SGCG: variants seen among roughly 807,000 people sequenced by gnomAD.
SGCG encodes the protein sarcoglycan gamma.
A neutral mutation model predicts 29.3 loss-of-function variants in SGCG; 26 were observed. The ratio of observed to expected loss-of-function variants is 0.89; its 90% CI spans 0.65 to 1.23. SGCG has a LOEUF of 1.23. SGCG is among the 50% of genes most tolerant of loss of function. The probability of loss-of-function intolerance (pLI) is 0.00; values close to 1 mark genes in which losing one functional copy is unlikely to be tolerated. For missense variants in SGCG, 353 were observed against 356.0 expected, an observed-to-expected ratio of 0.99 and a Z score of 0.07; for synonymous variants, 145 against 129.7, an observed-to-expected ratio of 1.12 and a Z score of -0.80.
chr13:23,199,063 G>A (rs545702373), intron 1 of SGCG, among the ~76,000 whole-genome samples: 159 of 151,116 alleles, frequency 1.1e-3, no homozygotes, highest in Admixed American at 1.6e-3. Context: ...AGCCGAGATC[G>A]TGCCACTGCA....
chr13:23,191,446 T>C (rs1593163820), intron 1 of SGCG, among the ~76,000 whole-genome samples: 2 of 152,178 alleles, frequency 1.3e-5, no homozygotes, highest in East Asian at 3.9e-4. Flanking sequence ...GGACCACTGC[T>C]TGGCCCAAGA....
intron 2 of SGCG, among the ~76,000 whole-genome samples, chr13:23,227,576 A>G (rs1042209583): frequency 2.6e-5 from 4 of 152,202 alleles, no homozygotes; most frequent in African/African-American, 9.6e-5. Flanking sequence ...CACACAACCA[A>G]TGGAATACAA....
At chr13:23,311,169 G>C (rs1207345242) in intron 6 of SGCG, among the ~76,000 whole-genome samples, 1 of 152,072 alleles carries the variant, frequency 6.6e-6, no homozygotes, top group Non-Finnish European at 1.5e-5. Flanking sequence ...TTTTACACGA[G>C]TATTTTAAAA....
intron 1 of SGCG, among the ~76,000 whole-genome samples, chr13:23,200,096 C>G (rs1318656158): frequency 6.7e-6 from 1 of 149,972 alleles, no homozygotes; most frequent in Non-Finnish European, 1.5e-5. Context: ...AACACTCAAC[C>G]TATTTTATTG....
At chr13:23,205,414 T>C (rs918582190) in intron 2 of SGCG, among the ~76,000 whole-genome samples, 2 of 152,204 alleles carry the variant, frequency 1.3e-5, no homozygotes, top group African/African-American at 2.4e-5. Context: ...CCGTCAGTTA[T>C]GCAGAAGGTT....
At chr13:23,241,156 A>C (rs987565926) in intron 3 of SGCG, among the ~76,000 whole-genome samples, 1 of 149,980 alleles carries the variant, frequency 6.7e-6, no homozygotes, top group Non-Finnish European at 1.5e-5. Context: ...CTCAAAAAAA[A>C]AAAAAAAGAA....
chr13:23,322,619 G>C (rs1489090191), intron 7 of SGCG, among the ~76,000 whole-genome samples: 1 of 152,162 alleles, frequency 6.6e-6, no homozygotes, highest in South Asian at 2.1e-4. Flanking sequence ...GCAGTCAGGT[G>C]CATCTCCATA....
rs1174279330 is a variant in SGCG at position 23,320,652 on chromosome 13, T to C, written c.594T>C (p.Thr198=). The C allele has an allele frequency of 2.0e-6, 3 of 1,480,822 alleles. No homozygotes were observed. Among genetic ancestry groups the C allele is most frequent in the African/African-American group, 2.9e-5 (2 of 68,740 alleles). 91.7% of individuals were successfully genotyped at this position (1,480,822 alleles called of 1,614,324 possible). ...CTCATCTCAGATTAGAATCCCCCAC[T>C]CGGAGTCTAAGCATGGATGCCCCAA... ...PFQDLRLESP[T]RSLSMDAPRG... is the part of the protein sequence containing the mutation. The change falls in exon 7 of 8, where the codon ACT becomes ACC. Residue 198 remains threonine, a synonymous_variant. Coordinates refer to ENST00000218867, the MANE Select transcript of SGCG (RefSeq NM_000231.3).
At chr13:23,232,781 C>CA (rs922391533) in intron 2 of SGCG, among the ~76,000 whole-genome samples, 10 of 151,386 alleles carry the variant, frequency 6.6e-5, no homozygotes, top group Non-Finnish European at 1.3e-4. Context: ...GACTCCATCT[C>CA]AAAAAAAAGA....
chr13:23,170,833 G>A, the SGCG span, among the ~76,000 whole-genome samples: 1 of 152,332 alleles, frequency 6.6e-6, no homozygotes, highest in East Asian at 1.9e-4. Context: ...CAAGACAAGT[G>A]CAGCTGCATG....
At chr13:23,246,545 C>G (rs2002748) in intron 3 of SGCG, 22,046 of 155,148 alleles carry the variant, frequency 0.14, 1,888 homozygotes, top group African/African-American at 0.23. Context: ...TGGGAGCATC[C>G]GTTGAAAGAT....
chr13:23,299,421 TATATATATATATATATA>T (rs1882037235), intron 6 of SGCG, among the ~76,000 whole-genome samples: 1 of 3,150 alleles, frequency 3.2e-4, no homozygotes, highest in Non-Finnish European at 9.8e-4. Flanking sequence ...TATATATATA[TATATATATATATATATA>T]TATATATATA....
At chr13:23,297,762 G>A (rs1009428219) in intron 6 of SGCG, among the ~76,000 whole-genome samples, 1 of 152,058 alleles carries the variant, frequency 6.6e-6, no homozygotes, top group African/African-American at 2.4e-5. Context: ...CAGATTTTGG[G>A]GGGCCTGTTC....
In SGCG at chr13:23,203,776, A is replaced by C. The variant is rs999585272; in HGVS notation, c.82A>C (p.Ile28Leu). 9.9e-6 allele frequency: 16 copies of C among 1,613,900 alleles called. No individual in the cohort carries two copies. In the African/African-American group the frequency reaches 2.0e-4, roughly 20 times the overall value. The stretch of plus-strand genomic sequence containing the variant: ...GAATCAGTATGTCTACAAAATTGGC[A>C]TTTATGGCTGGAGAAAGCGCTGTCT... Reference protein sequence around the residue: ...PENQYVYKIGIYGWRKRCLYL... With the variant: ...PENQYVYKIGLYGWRKRCLYL... The change falls in exon 2 of 8, where the codon ATT becomes CTT. Residue 28 changes from isoleucine to leucine, a missense_variant. By Grantham distance (5) the Ile-to-Leu change is conservative. Transcript: ENST00000218867.
chr13:23,318,599 A>G (rs1181653227), intron 6 of SGCG, among the ~76,000 whole-genome samples: 1 of 152,194 alleles, frequency 6.6e-6, no homozygotes, highest in Non-Finnish European at 1.5e-5. Context: ...GTAAACTAAA[A>G]TATAACAAAG....
intron 6 of SGCG, among the ~76,000 whole-genome samples, chr13:23,318,416 G>T (rs35870740): frequency 0.36 from 54,103 of 150,948 alleles, 11,067 homozygotes; most frequent in Non-Finnish European, 0.45. Flanking sequence ...GAAGAAAACT[G>T]CCATGATGGG....
At position 23,203,827 on chromosome 13, in the gene SGCG, A is replaced by T; in HGVS notation, c.133A>T (p.Ile45Phe). ...CLYLFVLLLL[I>F]ILVVNLALTI... ...CTACTTGTTTGTTCTTCTTTTACTCATCATCCTCGTTGTGAATTTAGCTCT... is the reference window on the plus strand; with the variant it reads ...CTACTTGTTTGTTCTTCTTTTACTCTTCATCCTCGTTGTGAATTTAGCTCT... Residue 45 changes from isoleucine to phenylalanine, a missense_variant, in exon 2 of 8, where the codon ATC becomes TTC. By Grantham distance (21) the Ile-to-Phe change is conservative. Transcript: ENST00000218867. 1.2e-6 allele frequency: 2 copies of T among 1,614,086 alleles called. No individual in the cohort carries two copies. Among genetic ancestry groups the T allele is most frequent in the Non-Finnish European group, 1.7e-6 (2 of 1,179,924 alleles).
chr13:23,292,525 T>C (rs1415885965), intron 5 of SGCG, among the ~76,000 whole-genome samples: 1 of 152,260 alleles, frequency 6.6e-6, no homozygotes, highest in Non-Finnish European at 1.5e-5. Context: ...CATCTCTGTA[T>C]TTATTTTGAC....
At chr13:23,207,379 T>C (rs1878021457) in intron 2 of SGCG, among the ~76,000 whole-genome samples, 3 of 152,090 alleles carry the variant, frequency 2.0e-5, no homozygotes, top group African/African-American at 7.2e-5. Flanking sequence ...AAGAAAACAT[T>C]TGGGGAAAAG....
Sources: gnomAD v4.1 joint callset for allele counts (sites outside exome capture counted in the v4.1 genomes callset) on GRCh38, gnomAD v4.1.1 for gene constraint, MANE v1.5 for transcripts, NCBI Gene and HGNC (gene_info 2026-07-23, HGNC 2026-07-21) for gene names.